The following CHN2 variants were observed in gnomAD, a reference collection of about 807,000 sequenced individuals.
CHN2 encodes beta-chimaerin.
A neutral mutation model predicts 56.3 loss-of-function variants in CHN2; 35 were observed. That is an observed-to-expected ratio of 0.62 (90% CI 0.47 to 0.82). CHN2 has a LOEUF of 0.82. Among genes scored for constraint, CHN2 ranks in the 40% least tolerant of loss-of-function variants. CHN2 has a pLI of 0.00. For missense variants in CHN2, 491 were observed against 580.5 expected (o/e 0.85, Z 1.58); for synonymous variants, 210 against 212.8 (o/e 0.99, Z 0.12).
intron 1 of CHN2, chr7:29,212,384 T>C: frequency 1.1e-5 from 17 of 1,605,166 alleles, no homozygotes; most frequent in Non-Finnish European, 1.4e-5. Flanking sequence ...TGGCTGTGAT[T>C]TGTGGGCCTG....
chr7:29,508,673 G>A (rs1291797830), intron 11 of CHN2, among the ~76,000 whole-genome samples: 3 of 152,064 alleles, frequency 2.0e-5, no homozygotes, highest in African/African-American at 7.2e-5. Context: ...TTGAGTAGCT[G>A]CCAGTACCTA....
intron 7 of CHN2, among the ~76,000 whole-genome samples, chr7:29,482,529 T>C (rs1375400075): frequency 6.6e-6 from 1 of 152,104 alleles, no homozygotes; most frequent in Non-Finnish European, 1.5e-5. Flanking sequence ...GACAAGCCAC[T>C]GAACTGAACT....
intron 1 of CHN2, among the ~76,000 whole-genome samples, chr7:29,279,904 G>A (rs2128858256): frequency 6.6e-6 from 1 of 152,168 alleles, no homozygotes; most frequent in East Asian, 1.9e-4. Context: ...GTGGGGGTCT[G>A]AATTAGGGTG....
chr7:29,366,170 G>T (rs994954269), intron 2 of CHN2, among the ~76,000 whole-genome samples: 3 of 152,184 alleles, frequency 2.0e-5, no homozygotes, highest in Admixed American at 6.5e-5. Context: ...GGAGGAATCT[G>T]TAGGAAGTAA....
intron 1 of CHN2, among the ~76,000 whole-genome samples, chr7:29,262,125 G>T (rs1364904415): frequency 6.6e-6 from 1 of 152,160 alleles, no homozygotes; most frequent in African/African-American, 2.4e-5. Context: ...CCAAGATTGT[G>T]CCACTGTATT....
chr7:29,352,377 G>T (rs890609261), intron 1 of CHN2, among the ~76,000 whole-genome samples: 1 of 151,654 alleles, frequency 6.6e-6, no homozygotes, highest in African/African-American at 2.4e-5. Flanking sequence ...GTATGTGTGT[G>T]TGTCTCTATT....
rs1037720247 is a variant in CHN2 at position 29,514,257 on chromosome 7, C to T, written c.*1522C>T. The T allele has an allele frequency of 8.5e-5, 13 of 152,562 alleles. No homozygotes were observed. The highest frequency in any genetic ancestry group is 2.9e-4 in the African/African-American group (12 of 41,412). 9.5% of individuals were successfully genotyped at this position (152,562 alleles called of 1,614,324 possible). On this transcript the variant is annotated 3_prime_UTR_variant, in exon 13 of 13. Coordinates refer to ENST00000222792, the MANE Select transcript of CHN2 (RefSeq NM_004067.4). Reference sequence around the variant, plus strand: ...AAATGGTTTTATTTTGTGAAGTGAACAATACTTTGTAATTTATGATAGTGT... The same window carrying T: ...AAATGGTTTTATTTTGTGAAGTGAATAATACTTTGTAATTTATGATAGTGT...
At chr7:29,174,496 C>T (rs1797017065) in intron 2 of CHN2, among the ~76,000 whole-genome samples, 1 of 152,098 alleles carries the variant, frequency 6.6e-6, no homozygotes, top group Non-Finnish European at 1.5e-5. Context: ...GCCATGGGGG[C>T]ACAAAGCAGG....
chr7:29,282,745 C>A (rs1791822476), intron 1 of CHN2, among the ~76,000 whole-genome samples: 1 of 152,036 alleles, frequency 6.6e-6, no homozygotes, highest in South Asian at 2.1e-4. Context: ...ATTTTAAGAG[C>A]CTGTGAGCAG....
At chr7:29,507,468 G>C (rs992543982) in intron 11 of CHN2, 103 bp downstream of exon 11, 1 of 884,964 alleles carries the variant, frequency 1.1e-6, no homozygotes. Context: ...TATTGCATTT[G>C]TGCCTGTCTT....
chr7:29,169,258 T>C (rs1796299296), intron 2 of CHN2, among the ~76,000 whole-genome samples: 1 of 152,224 alleles, frequency 6.6e-6, no homozygotes, highest in African/African-American at 2.4e-5. Flanking sequence ...ATATTACCAT[T>C]GTAGAAGATT....
chr7:29,157,682 C>T (rs969685376), intron 2 of CHN2, among the ~76,000 whole-genome samples: 2 of 152,224 alleles, frequency 1.3e-5, no homozygotes, highest in Non-Finnish European at 2.9e-5. Context: ...TCCTACTCCC[C>T]TTCACCAGTG....
chr7:29,397,418 C>T (rs1178128605), intron 4 of CHN2: 1 of 152,162 alleles, frequency 6.6e-6, no homozygotes, highest in Non-Finnish European at 1.5e-5. Context: ...AATTTATTCT[C>T]TGATTTATTA....
chr7:29,280,650 C>T (rs1255336698), intron 1 of CHN2, among the ~76,000 whole-genome samples: 2 of 152,166 alleles, frequency 1.3e-5, no homozygotes, highest in Non-Finnish European at 2.9e-5. Flanking sequence ...TTACTTACAG[C>T]TGAACAGAGA....
chr7:29,436,767 G>A (rs1783256016), intron 6 of CHN2, among the ~76,000 whole-genome samples: 1 of 152,014 alleles, frequency 6.6e-6, no homozygotes, highest in African/African-American at 2.4e-5. Flanking sequence ...TCTCTTAATT[G>A]GGATGATATT....
intron 1 of CHN2, among the ~76,000 whole-genome samples, chr7:29,305,777 C>G (rs1301235798): frequency 8.9e-6 from 1 of 111,804 alleles, no homozygotes; most frequent in Non-Finnish European, 2.1e-5. Flanking sequence ...CCTCTCCTCC[C>G]TTCTCCTCCC....
At chr7:29,377,356 C>G (rs535486990) in intron 3 of CHN2, among the ~76,000 whole-genome samples, 1 of 152,314 alleles carries the variant, frequency 6.6e-6, no homozygotes, top group South Asian at 2.1e-4. Context: ...GATTCATGTT[C>G]ATTCATATTC....
intron 1 of CHN2, among the ~76,000 whole-genome samples, chr7:29,297,291 T>C (rs1793243333): frequency 1.3e-5 from 2 of 152,118 alleles, no homozygotes; most frequent in Non-Finnish European, 2.9e-5. Context: ...CTCCTAGTGT[T>C]CTGGGGACCC....
At chr7:29,496,165 C>T (rs1789259080) in intron 8 of CHN2, 129 bp downstream of exon 8, 2 of 598,634 alleles carry the variant, frequency 3.3e-6, no homozygotes, top group African/African-American at 1.9e-5. Flanking sequence ...GGGTTCAAGG[C>T]CTGTCTGTGC....
Sources: allele counts gnomAD v4.1 joint callset (sites outside exome capture counted in the v4.1 genomes callset), GRCh38; gene constraint gnomAD v4.1.1; transcripts MANE v1.5; gene names NCBI Gene and HGNC (gene_info 2026-07-23, HGNC 2026-07-21).